Variants in WDR33 observed in about 807,000 individuals in gnomAD.
WDR33 encodes the protein pre-mRNA 3' end processing protein WDR33.
Under a neutral mutation model 164.9 loss-of-function variants are expected in WDR33, and 47 were observed. The ratio of observed to expected loss-of-function variants is 0.29; its 90% CI spans 0.23 to 0.36. The LOEUF is 0.36. Among genes scored for constraint, WDR33 ranks in the 10% least tolerant of loss-of-function variants. The pLI is 1.00. For missense variants in WDR33, 1,137 were observed against 1,754.1 expected (o/e 0.65, Z 6.28); for synonymous variants, 505 against 589.0 (o/e 0.86, Z 2.06).
chr2:127,794,412 A>C (rs1688952488), intron 1 of WDR33, among the ~76,000 whole-genome samples: 1 of 151,136 alleles, frequency 6.6e-6, no homozygotes, highest in South Asian at 2.1e-4. Flanking sequence ...AGGCAGGAGA[A>C]TCACTTGAAC....
At position 127,713,447 on chromosome 2, in the gene WDR33, C is replaced by T; in HGVS notation, c.3308+136G>A. 2 of 1,014,018 alleles carry T rather than the reference C, an allele frequency of 2.0e-6. No homozygotes were observed. Among genetic ancestry groups the T allele is most frequent in the Non-Finnish European group, 2.9e-6 (2 of 689,944 alleles). 62.8% of individuals were successfully genotyped at this position (1,014,018 alleles called of 1,614,324 possible). A position where few individuals can be genotyped will look rare whatever the true frequency, so the allele number is the denominator to read the frequency against. ...CACACTTTTTTTAAACGTCCAAATG[C>T]AAACTCTACAGAGTGCAGGGCTGGT... On this transcript the variant is annotated intron_variant, in intron 18 of 21. Coordinates refer to ENST00000322313, the MANE Select transcript of WDR33 (RefSeq NM_018383.5). This position sits in a 1 kb window ranked among gnomAD's most constrained non-coding sequence, Gnocchi z 6.2.
At chr2:127,742,496 C>A (rs1687045947) in intron 7 of WDR33, among the ~76,000 whole-genome samples, 1 of 145,614 alleles carries the variant, frequency 6.9e-6, no homozygotes. Flanking sequence ...CGCTGCACTC[C>A]AGCCCAGGAG....
Position 127,708,850 on chromosome 2 carries a change from T to C in WDR33, c.3608A>G (p.His1203Arg), listed in dbSNP as rs1176197346. 11 of 1,609,094 alleles carry C rather than the reference T, an allele frequency of 6.8e-6. 1 individual carries two copies. The Admixed American group carries it at 1.8e-4, about 27-fold the overall frequency. Residue 1203 changes from histidine (H) to arginine (R), a missense_variant, in exon 21 of 22, where the codon CAT (histidine) becomes CGT (arginine). Physicochemically the swap from His to Arg is conservative, Grantham distance 29 (BLOSUM62 0). This residue lies in a region of WDR33 where 867 missense variants were observed against 1,073.0 expected (regional missense o/e 0.81). Transcript: ENST00000322313. The surrounding 1 kb of genome is among the most constrained non-coding windows in gnomAD (Gnocchi z 6.7). ...EHFRDTPRPD[H>R]PPHDGHSPAS... ...TGGGGAATGACCGTCGTGAGGGGGATGATCAGGGCGGGGAGTATCACGAAA... is the reference window on the plus strand; with the variant it reads ...TGGGGAATGACCGTCGTGAGGGGGACGATCAGGGCGGGGAGTATCACGAAA...
rs1177352590 is a variant in WDR33, at chr2:127,706,641, A to T, written c.3782-89T>A. The T allele has an allele frequency of 2.5e-6, 3 of 1,221,826 alleles. No homozygotes were observed. The East Asian group carries it at 7.4e-5, about 30-fold the overall frequency. 75.7% of individuals were successfully genotyped at this position (1,221,826 alleles called of 1,614,324 possible). On this transcript the variant is annotated intron_variant, in intron 21 of 21. Coordinates refer to ENST00000322313, the MANE Select transcript of WDR33 (RefSeq NM_018383.5). The surrounding 1 kb of genome is among the most constrained non-coding windows in gnomAD (Gnocchi z 5.1). ...GTACAAACTTTACTCTCTGATGACA[A>T]TGGACCAGTTCTGGTGGGTGCCAGG...
intron 1 of WDR33, among the ~76,000 whole-genome samples, chr2:127,786,863 T>TTTTTTA (rs1553479882): frequency 8.1e-6 from 1 of 122,772 alleles, no homozygotes; most frequent in African/African-American, 3.2e-5. Flanking sequence ...TTTTTTTTTT[T>TTTTTTA]AATTTATTTT....
At chr2:127,727,968 A>G (rs1686611230) in intron 7 of WDR33, among the ~76,000 whole-genome samples, 1 of 152,238 alleles carries the variant, frequency 6.6e-6, no homozygotes, top group African/African-American at 2.4e-5. Context: ...TGGGTCTCAA[A>G]TGGACATAGG....
intron 1 of WDR33, among the ~76,000 whole-genome samples, chr2:127,806,322 C>T (rs769640954): frequency 7.3e-5 from 11 of 151,368 alleles, no homozygotes; most frequent in Non-Finnish European, 1.3e-4. Flanking sequence ...ATTCTCATGC[C>T]TCAGTCTCCC....
At position 127,721,829 on chromosome 2, in the gene WDR33, C is replaced by T. The variant is rs1240634153; in HGVS notation, c.1671+7G>A. The T allele has an allele frequency of 6.2e-7, 1 of 1,607,972 alleles. No individual in the cohort carries two copies. The highest frequency in any genetic ancestry group is 8.5e-7 in the Non-Finnish European group (1 of 1,177,996). ...TCTTGAATTCCCCCCTACAGAGCTT[C>T]ACACACCTCCAGAAGTTGTGGGTTA... On this transcript the variant is annotated splice_region_variant and intron_variant, in intron 15 of 21. Transcript: ENST00000322313. This position sits in a 1 kb window ranked among gnomAD's most constrained non-coding sequence, Gnocchi z 4.9.
At chr2:127,790,658 C>T (rs1323809114) in intron 1 of WDR33, among the ~76,000 whole-genome samples, 1 of 152,112 alleles carries the variant, frequency 6.6e-6, no homozygotes, top group Non-Finnish European at 1.5e-5. Flanking sequence ...GCCCAGGCTA[C>T]AGCGCATGGC....
intron 1 of WDR33, among the ~76,000 whole-genome samples, chr2:127,782,422 T>C (rs141578186): frequency 1.3e-5 from 2 of 152,014 alleles, no homozygotes; most frequent in Non-Finnish European, 2.9e-5. Context: ...TTGAGAAAAT[T>C]GATCTCAAAA....
At position 127,704,626 on chromosome 2, in the gene WDR33, AAT is replaced by A. The variant is rs1488693420; in HGVS notation, c.*1695_*1696del. The A allele has an allele frequency of 1.2e-5, 2 of 167,114 alleles. No individual in the cohort carries two copies. The highest frequency in any genetic ancestry group is 2.9e-5 in the Non-Finnish European group (2 of 68,126). The allele number at this position is 167,114 out of a possible 1,614,324, so 10.4% of individuals were successfully genotyped here. ...GCTGTAATTTCAAAGTTAAAAAAAA[AAT>A]AGTCTCTAGATTCTAACACTGAAAA... On this transcript the variant is annotated 3_prime_UTR_variant, in exon 22 of 22. Coordinates refer to ENST00000322313, the MANE Select transcript of WDR33 (RefSeq NM_018383.5).
In WDR33 at chr2:127,716,886, A is replaced by C. The variant is rs1301396134; in HGVS notation, c.2869+269T>G. ...GAGCACAGGAACCACCTGCATTGCC[A>C]ACAGATGGGCAAGGCCAGCCTGCCA... is the stretch of plus-strand genomic sequence containing the variant. On this transcript the variant is annotated intron_variant, in intron 17 of 21. Coordinates refer to ENST00000322313, the MANE Select transcript of WDR33 (RefSeq NM_018383.5). The surrounding 1 kb of genome is among the most constrained non-coding windows in gnomAD (Gnocchi z 4.5). Among the ~76,000 whole-genome samples, 1 of 152,242 alleles carries C rather than the reference A, an allele frequency of 6.6e-6. No homozygotes were observed.
chr2:127,709,470 C>T lies in WDR33; in HGVS notation c.3565+20G>A, dbSNP rs777703786. The T allele has an allele frequency of 6.2e-7, 1 of 1,612,206 alleles. No homozygotes were observed. The highest frequency in any genetic ancestry group is 2.2e-5 in the East Asian group (1 of 44,824). On this transcript the variant is annotated intron_variant, in intron 20 of 21. Transcript: ENST00000322313. This position sits in a 1 kb window ranked among gnomAD's most constrained non-coding sequence, Gnocchi z 5.0. ...TGAACTGCAGTCTAGAGTTACCCAA[C>T]AAGCGGTTCTTTTCCTTACCAGGCT...
At chr2:127,791,162 C>CCA (rs1269614510) in intron 1 of WDR33, among the ~76,000 whole-genome samples, 1 of 63,330 alleles carries the variant, frequency 1.6e-5, no homozygotes, top group African/African-American at 7.4e-5. Flanking sequence ...TTTCCCCACC[C>CCA]CACCCCCCCC....
intron 7 of WDR33, among the ~76,000 whole-genome samples, chr2:127,760,371 A>C (rs2105429296): frequency 6.6e-6 from 1 of 152,324 alleles, no homozygotes; most frequent in East Asian, 1.9e-4. Context: ...GTGTTACATG[A>C]ACATCATCCT....
At chr2:127,781,829 T>C (rs886693346) in intron 1 of WDR33, among the ~76,000 whole-genome samples, 3 of 151,288 alleles carry the variant, frequency 2.0e-5, no homozygotes, top group African/African-American at 7.3e-5. Context: ...AGAAACCCCG[T>C]CTCTACTAAA....
At chr2:127,799,554 G>A (rs551804595) in intron 1 of WDR33, among the ~76,000 whole-genome samples, 19 of 152,240 alleles carry the variant, frequency 1.2e-4, no homozygotes, top group African/African-American at 3.9e-4. Context: ...CAGCACTTTG[G>A]GAGGCCAAGG....
rs1391442334 is a variant in WDR33 at position 127,738,409 on chromosome 2, TAC to T, written c.725-11634_725-11633del. 1.3e-5 allele frequency among the ~76,000 whole-genome samples: 2 copies of T among 152,146 alleles called. No individual in the cohort carries two copies. The highest frequency in any genetic ancestry group is 6.5e-5 in the Admixed American group (1 of 15,270). ...CCATGCCTAAGAATTCCACATAATT[TAC>T]ACAGTTACTCCACCTGAAAAGAGGT... is the stretch of plus-strand genomic sequence containing the variant. On this transcript the variant is annotated intron_variant, in intron 7 of 21. Transcript: ENST00000322313. This position sits in a 1 kb window ranked among gnomAD's most constrained non-coding sequence, Gnocchi z 4.4.
chr2:127,730,754 A>G (rs933252689), intron 7 of WDR33, among the ~76,000 whole-genome samples: 2 of 152,208 alleles, frequency 1.3e-5, no homozygotes, highest in Non-Finnish European at 2.9e-5. Flanking sequence ...ACCAAAATGC[A>G]GATACGGATA....
Sources: gnomAD v4.1 joint callset for allele counts (sites outside exome capture counted in the v4.1 genomes callset) on GRCh38, gnomAD v4.1.1 for gene constraint, gnomAD v4.1.1 regional missense constraint, Gnocchi (gnomAD v3.1) non-coding constraint, MANE v1.5 for transcripts, NCBI Gene and HGNC (gene_info 2026-07-23, HGNC 2026-07-21) for gene names.